Variants in SOX30 observed in about 807,000 individuals in gnomAD.
SOX30 encodes the protein SRY-box transcription factor 30.
Under a neutral mutation model 58.6 loss-of-function variants are expected in SOX30, and 17 were observed. The ratio of observed to expected loss-of-function variants is 0.29; its 90% CI spans 0.20 to 0.44. The LOEUF (loss-of-function observed/expected upper bound fraction) is 0.44. Ranked by LOEUF, SOX30 falls within the 20% of genes least tolerant of loss-of-function variation. The probability of loss-of-function intolerance (pLI) is 1.00; values close to 1 mark genes in which losing one functional copy is unlikely to be tolerated. For missense variants in SOX30, 951 were observed against 965.8 expected (o/e 0.98, Z 0.20); for synonymous variants, 421 against 400.2 (o/e 1.05, Z -0.62).
chr5:157,642,850 G>A (rs1490262423), intron 3 of SOX30, among the ~76,000 whole-genome samples: 2 of 152,072 alleles, frequency 1.3e-5, no homozygotes, highest in East Asian at 1.9e-4. Flanking sequence ...GGAGAGAATC[G>A]GTGGAATTAT....
Position 157,636,703 on chromosome 5 carries a change from G to C in SOX30, c.1880+1527C>G, listed in dbSNP as rs145230986. 3.8e-3 allele frequency among the ~76,000 whole-genome samples: 583 copies of C among 152,216 alleles called. 3 individuals are homozygous for C. The highest frequency in any genetic ancestry group is 0.013 in the African/African-American group (551 of 41,516). ...ATACCTCAAAAGTTGTTTCTATTGA[G>C]GTGTAGGTATACCCTAATGGGAAGT... On this transcript the variant is annotated intron_variant, in intron 4 of 4. Transcript: ENST00000265007.
chr5:157,626,254 A>C lies in SOX30; in HGVS notation c.*86T>G, dbSNP rs560973205. On this transcript the variant is annotated 3_prime_UTR_variant, in exon 5 of 5. Transcript: ENST00000265007. ...TCACGACTGAAAACTTTCAACAAAG[A>C]ATTCTAGGCTTTTTTTTTTCTCATA... 1 of 1,254,392 alleles carries C rather than the reference A, an allele frequency of 8.0e-7. No individual in the cohort carries two copies. The highest frequency in any genetic ancestry group is 1.7e-5 in the South Asian group (1 of 57,264). 77.7% of individuals were successfully genotyped at this position (1,254,392 alleles called of 1,614,324 possible). A position where few individuals can be genotyped will look rare whatever the true frequency, so the allele number is the denominator to read the frequency against.
At chr5:157,632,580 A>G (rs534763176) in intron 4 of SOX30, among the ~76,000 whole-genome samples, 14 of 152,306 alleles carry the variant, frequency 9.2e-5, no homozygotes, top group Non-Finnish European at 1.5e-4. Context: ...ATTACACTCC[A>G]GCCTGGGCAA....
chr5:157,644,629 AGT>A (rs1254263531), intron 3 of SOX30, among the ~76,000 whole-genome samples: 2 of 152,216 alleles, frequency 1.3e-5, no homozygotes, highest in Non-Finnish European at 2.9e-5. Flanking sequence ...AGCAGATGTA[AGT>A]GAGGTCTTGG....
At chr5:157,627,091 C>A (rs140315146) in intron 4 of SOX30, among the ~76,000 whole-genome samples, 1 of 152,188 alleles carries the variant, frequency 6.6e-6, no homozygotes, top group Non-Finnish European at 1.5e-5. Flanking sequence ...TGGTTGGGCG[C>A]GGTGGCTCAC....
At position 157,651,281 on chromosome 5, in the gene SOX30, C is replaced by A. The variant is rs764471345; in HGVS notation, c.798G>T (p.Thr266=). 1.2e-6 allele frequency: 2 copies of A among 1,613,940 alleles called. No homozygotes were observed. Among genetic ancestry groups the A allele is most frequent in the Middle Eastern group, 1.7e-4 (1 of 6,010 alleles). ...ACTGGATCCGGGCCCCAGGGGGGAC[C>A]GTGTGGAGCGTCAAAGGGATCCTAA... The part of the protein sequence containing the change: ...QDLRIPLTLH[T]VPPGARIQFQ... Residue 266 remains threonine, a synonymous_variant, in exon 1 of 5, where the codon ACG becomes ACT. Transcript: ENST00000265007.
chr5:157,651,028 G>T, intron 1 of SOX30, 84 bp downstream of exon 1: 1 of 1,045,128 alleles, frequency 9.6e-7, no homozygotes, highest in Non-Finnish European at 1.4e-6. Context: ...TACTTTTGTA[G>T]TTTAGACTTG....
rs1481512577 is a variant in SOX30 at position 157,652,358 on chromosome 5, A to G, written c.-280T>C. 6 of 1,172,744 alleles carry G rather than the reference A, an allele frequency of 5.1e-6. No individual in the cohort carries two copies. The East Asian group carries it at 2.3e-4, about 45-fold the overall frequency. 72.6% of individuals were successfully genotyped at this position (1,172,744 alleles called of 1,614,324 possible). ...GTAGGAGCCGCCGCACTTGTTGCAC[A>G]TTTTCGTTCTGACTCTCTTGTGGAG... On this transcript the variant is annotated 5_prime_UTR_variant, in exon 1 of 5. The change abolishes an upstream ATG in the 5' untranslated region. Coordinates refer to ENST00000265007, the MANE Select transcript of SOX30 (RefSeq NM_178424.2).
chr5:157,650,402 A>G (rs997660338), intron 1 of SOX30, among the ~76,000 whole-genome samples: 3 of 152,210 alleles, frequency 2.0e-5, no homozygotes, highest in Non-Finnish European at 4.4e-5. Flanking sequence ...GTTCATTGGC[A>G]AAGTGTTCTG....
chr5:157,636,398 TC>T (rs1758927935), intron 4 of SOX30, among the ~76,000 whole-genome samples: 2 of 152,316 alleles, frequency 1.3e-5, no homozygotes, highest in South Asian at 4.1e-4. Context: ...TATAAAATTC[TC>T]CAAAATTCCT....
intron 2 of SOX30, among the ~76,000 whole-genome samples, chr5:157,661,019 TTTCA>T (rs748657843): frequency 1.3e-5 from 2 of 152,256 alleles, no homozygotes; most frequent in Non-Finnish European, 1.5e-5. Flanking sequence ...CCTGTACTTC[TTTCA>T]TTAACTTTAT....
chr5:157,633,820 A>G (rs1403729038), intron 4 of SOX30, among the ~76,000 whole-genome samples: 1 of 152,248 alleles, frequency 6.6e-6, no homozygotes, highest in Non-Finnish European at 1.5e-5. Context: ...ATTTCAAGAT[A>G]GTAAATCCCC....
rs1175501890 is a variant in SOX30, at chr5:157,629,707, A to G, written c.1881-2986T>C. Among the ~76,000 whole-genome samples, 5 of 152,256 alleles carry G rather than the reference A, an allele frequency of 3.3e-5. No individual in the cohort carries two copies. In the South Asian group the frequency reaches 1.0e-3, roughly 31 times the overall value. ...CAAGGAGTGTATATGTTATTTCAATATAACACTGAACAACACTCAGAACGA... is the reference window on the plus strand; with the variant it reads ...CAAGGAGTGTATATGTTATTTCAATGTAACACTGAACAACACTCAGAACGA... On this transcript the variant is annotated intron_variant, in intron 4 of 4. Transcript: ENST00000265007.
At position 157,634,707 on chromosome 5, in the gene SOX30, G is replaced by T. The variant is rs142099656; in HGVS notation, c.1880+3523C>A. Among the ~76,000 whole-genome samples, 810 of 152,230 alleles carry T rather than the reference G, an allele frequency of 5.3e-3. 3 individuals carry two copies. Among genetic ancestry groups the T allele is most frequent in the Non-Finnish European group, 8.4e-3 (571 of 68,004 alleles). ...TTGTTGCCCAGGCTGGAGTGCAGGG[G>T]TGTGATCTTGGTTCACTGCAACCTC... On this transcript the variant is annotated intron_variant, in intron 4 of 4. Transcript: ENST00000265007.
chr5:157,668,598 AC>A (rs545433111), intron 1 of SOX30, among the ~76,000 whole-genome samples: 110 of 152,048 alleles, frequency 7.2e-4, no homozygotes, highest in Admixed American at 1.6e-3. Flanking sequence ...CCATCCACTC[AC>A]CTATCTATGT....
At chr5:157,629,377 C>G (rs779555521) in intron 4 of SOX30, among the ~76,000 whole-genome samples, 2 of 152,172 alleles carry the variant, frequency 1.3e-5, no homozygotes, top group Non-Finnish European at 2.9e-5. Flanking sequence ...TCAATGTAGG[C>G]AAGACGCTAT....
At chr5:157,644,229 C>T (rs1759137062) in intron 3 of SOX30, among the ~76,000 whole-genome samples, 1 of 152,014 alleles carries the variant, frequency 6.6e-6, no homozygotes, top group African/African-American at 2.4e-5. Flanking sequence ...TCCTAGGCTC[C>T]CAAAGCACCA....
chr5:157,632,768 A>C (rs559052860), intron 4 of SOX30, among the ~76,000 whole-genome samples: 24 of 152,282 alleles, frequency 1.6e-4, no homozygotes, highest in African/African-American at 5.5e-4. Flanking sequence ...CAACGACAAA[A>C]ATTTTATATT....
Position 157,652,147 on chromosome 5 carries a change from T to A in SOX30, c.-69A>T. 7.2e-7 allele frequency: 1 copy of A among 1,381,354 alleles called. No individual in the cohort carries two copies. Among genetic ancestry groups the A allele is most frequent in the African/African-American group, 1.5e-5 (1 of 65,444 alleles). 85.6% of individuals were successfully genotyped at this position (1,381,354 alleles called of 1,614,324 possible). A position where few individuals can be genotyped will look rare whatever the true frequency, so the allele number is the denominator to read the frequency against. On this transcript the variant is annotated 5_prime_UTR_variant, in exon 1 of 5. Transcript: ENST00000265007. ...TGTTGGCGACCTTCCCCCTCCCCCT[T>A]TCGGTTAAGAGCCTTGCAAGGCCTT...
Sources: gnomAD v4.1 joint callset for allele counts (sites outside exome capture counted in the v4.1 genomes callset) on GRCh38, gnomAD v4.1.1 for gene constraint, MANE v1.5 for transcripts, NCBI Gene and HGNC (gene_info 2026-07-23, HGNC 2026-07-21) for gene names.